Variants in C10orf67 observed in about 807,000 individuals in gnomAD.
The protein encoded by C10orf67 is uncharacterized protein C10orf67, mitochondrial.
A neutral mutation model predicts 35.6 loss-of-function variants in C10orf67; 60 were observed. The observed-to-expected ratio is 1.68, with a 90% CI of 1.37 to 2.09. The LOEUF is 2.09. Among genes scored for constraint, C10orf67 ranks in the 30% most tolerant of loss-of-function variants. The probability of loss-of-function intolerance (pLI) is 0.00; values close to 1 mark genes in which losing one functional copy is unlikely to be tolerated. For synonymous variants in C10orf67, 167 were observed against 115.8 expected (o/e 1.44, Z -2.84); for missense variants, 474 against 330.2 (o/e 1.44, Z -3.38).
At chr10:23,239,860 T>C (rs1419999641) in intron 12 of C10orf67, 44 bp from the exon 13 acceptor site, 1 of 581,138 alleles carries the variant, frequency 1.7e-6, no homozygotes, top group East Asian at 2.8e-5. Context: ...ATGTAAATCA[T>C]AGCATAAAGC....
At chr10:23,280,043 C>T (rs1032036933) in intron 8 of C10orf67, among the ~76,000 whole-genome samples, 4 of 151,826 alleles carry the variant, frequency 2.6e-5, no homozygotes, top group African/African-American at 9.7e-5. Flanking sequence ...TATATAAAAA[C>T]GGGGCCTCAC....
intron 4 of C10orf67, among the ~76,000 whole-genome samples, chr10:23,304,527 C>G (rs1288380430): frequency 6.6e-6 from 1 of 152,056 alleles, no homozygotes; most frequent in Non-Finnish European, 1.5e-5. Context: ...CCCCGTGACC[C>G]AGCTCGAGCC....
chr10:23,253,415 G>T (rs11013353), intron 10 of C10orf67, among the ~76,000 whole-genome samples: 8,302 of 152,116 alleles, frequency 0.055, 734 homozygotes, highest in African/African-American at 0.19. Flanking sequence ...GGGTACAAGG[G>T]GTAGAGAGTG....
chr10:23,215,828 A>G (rs1442805599), intron 15 of C10orf67, among the ~76,000 whole-genome samples: 2 of 152,222 alleles, frequency 1.3e-5, no homozygotes, highest in Non-Finnish European at 2.9e-5. Flanking sequence ...TTTCAACATT[A>G]ACAGATTAAA....
At chr10:23,325,554 C>CA (rs1021298390) in intron 2 of C10orf67, among the ~76,000 whole-genome samples, 1 of 111,788 alleles carries the variant, frequency 8.9e-6, no homozygotes, top group Non-Finnish European at 1.9e-5. Flanking sequence ...AAACAAAAAA[C>CA]AAAAAAACAA....
rs182639937 is a variant in C10orf67 at position 23,336,138 on chromosome 10, T to C, written c.207-2956A>G. Reference sequence around the variant, plus strand: ...TGGCAGACAGAGGAGAGGACCACAATAGTGGGAGACTGGATACATTGAATG... The same window carrying C: ...TGGCAGACAGAGGAGAGGACCACAACAGTGGGAGACTGGATACATTGAATG... On this transcript the variant is annotated intron_variant, in intron 1 of 15. Transcript: ENST00000636213. 2.4e-3 allele frequency among the ~76,000 whole-genome samples: 358 copies of C among 152,172 alleles called. 8 individuals carry two copies. The highest frequency in any genetic ancestry group is 6.9e-4 in the Non-Finnish European group (47 of 68,006).
At chr10:23,216,411 G>T (rs571471403) in intron 15 of C10orf67, among the ~76,000 whole-genome samples, 1 of 152,198 alleles carries the variant, frequency 6.6e-6, no homozygotes, top group South Asian at 2.1e-4. Context: ...ACTGATATGT[G>T]TGTAAAGTAG....
chr10:23,330,678 T>G (rs1845411625), intron 2 of C10orf67, among the ~76,000 whole-genome samples: 1 of 150,612 alleles, frequency 6.6e-6, no homozygotes, highest in Non-Finnish European at 1.5e-5. Flanking sequence ...AGGCGGAGGT[T>G]GCAGTGAGCT....
rs572577979 is a variant in C10orf67, at chr10:23,298,046, G to A, written c.702+5258C>T. 4.6e-5 allele frequency among the ~76,000 whole-genome samples: 7 copies of A among 152,220 alleles called. No individual in the cohort carries two copies. In the South Asian group the frequency reaches 1.0e-3, roughly 23 times the overall value. On this transcript the variant is annotated intron_variant, in intron 5 of 15. Coordinates refer to ENST00000636213, the MANE Select transcript of C10orf67 (RefSeq NM_001371909.1). ...TGAGGTGGGCGGATCACAAGGTCAG[G>A]AGATCGAGACCATCCTGGCGAACAC...
At chr10:23,291,392 C>G (rs569069761) in intron 5 of C10orf67, 113 bp from the exon 6 acceptor site, 7 of 603,024 alleles carry the variant, frequency 1.2e-5, no homozygotes, top group South Asian at 1.1e-4. Flanking sequence ...AATTCTATTA[C>G]ACACTTATAA....
At chr10:23,310,714 C>T (rs1226035160) in intron 4 of C10orf67, among the ~76,000 whole-genome samples, 2 of 152,344 alleles carry the variant, frequency 1.3e-5, no homozygotes, top group African/African-American at 4.8e-5. Flanking sequence ...GAATGCTTGT[C>T]AAGCTCTCCA....
chr10:23,223,302 T>G (rs921215348), intron 15 of C10orf67, among the ~76,000 whole-genome samples: 3 of 152,214 alleles, frequency 2.0e-5, no homozygotes, highest in African/African-American at 7.2e-5. Context: ...TAGGCTGATC[T>G]CAAACTCCTG....
intron 1 of C10orf67, among the ~76,000 whole-genome samples, chr10:23,343,327 G>T (rs1456828156): frequency 1.3e-5 from 2 of 152,092 alleles, no homozygotes; most frequent in Non-Finnish European, 2.9e-5. Flanking sequence ...GGGGGACGTG[G>T]GGGAAAACTC....
chr10:23,246,302 A>G (rs558468488), intron 12 of C10orf67, among the ~76,000 whole-genome samples: 5 of 152,320 alleles, frequency 3.3e-5, no homozygotes, highest in African/African-American at 9.6e-5. Flanking sequence ...CCCCTAAGAC[A>G]TGCAAGTTAC....
chr10:23,297,369 C>T (rs568721401), intron 5 of C10orf67, among the ~76,000 whole-genome samples: 14 of 152,166 alleles, frequency 9.2e-5, no homozygotes, highest in East Asian at 3.9e-4. Flanking sequence ...GGTGTTCCCT[C>T]GGAAGTTAGG....
chr10:23,278,176 C>T (rs1843251741), intron 8 of C10orf67, among the ~76,000 whole-genome samples: 1 of 152,150 alleles, frequency 6.6e-6, no homozygotes, highest in African/African-American at 2.4e-5. Flanking sequence ...TGGGAACACA[C>T]ATCCAAACTG....
chr10:23,321,146 C>T (rs894206445), intron 3 of C10orf67, among the ~76,000 whole-genome samples: 5 of 152,180 alleles, frequency 3.3e-5, no homozygotes, highest in African/African-American at 2.4e-5. Context: ...TGCCTATCTT[C>T]TTCTAGTCCT....
At chr10:23,238,789 A>G (rs1230797526) in intron 13 of C10orf67, among the ~76,000 whole-genome samples, 7 of 152,222 alleles carry the variant, frequency 4.6e-5, no homozygotes, top group African/African-American at 1.7e-4. Context: ...GAAAAAAGAC[A>G]CTATATATAT....
intron 2 of C10orf67, 46 bp from the exon 3 acceptor site, chr10:23,322,583 A>G (rs745931760): frequency 7.7e-7 from 1 of 1,305,222 alleles, no homozygotes; most frequent in Non-Finnish European, 1.1e-6. Flanking sequence ...ACAGGAACAG[A>G]AAACCAAATA....
Sources: gnomAD v4.1 joint callset for allele counts (sites outside exome capture counted in the v4.1 genomes callset) on GRCh38, gnomAD v4.1.1 for gene constraint, MANE v1.5 for transcripts, NCBI Gene and HGNC (gene_info 2026-07-23, HGNC 2026-07-21) for gene names.